The following STK25 variants were observed in gnomAD, a reference collection of about 807,000 sequenced individuals.
STK25 encodes serine/threonine-protein kinase 25.
STK25 carries 29 observed loss-of-function variants against 53.8 expected under a neutral mutation model. The observed-to-expected ratio is 0.54, with a 90% confidence interval of 0.40 to 0.74. The LOEUF (loss-of-function observed/expected upper bound fraction) is 0.74, where lower values mean the gene tolerates loss of function less well. Ranked by LOEUF, STK25 falls within the 30% of genes least tolerant of loss-of-function variation. The probability of loss-of-function intolerance (pLI) is 0.00; values close to 1 mark genes in which losing one functional copy is unlikely to be tolerated. For synonymous variants in STK25, 247 were observed against 238.3 expected (o/e 1.04, Z -0.33); for missense variants, 420 against 568.0 (o/e 0.74, Z 2.65).
intron 7 of STK25, 51 bp downstream of exon 7, chr2:241,498,938 C>T (rs758326735): frequency 1.2e-6 from 2 of 1,612,122 alleles, no homozygotes; most frequent in Admixed American, 1.7e-5. Flanking sequence ...CAAGCGAACG[C>T]CCTCCCTCCA....
intron 10 of STK25, chr2:241,497,282 C>T (rs761920122): frequency 2.0e-5 from 5 of 252,690 alleles, no homozygotes; most frequent in Non-Finnish European, 2.3e-5. Flanking sequence ...GACGTTGATG[C>T]AGGGTCACGT....
At chr2:241,502,701 C>T (rs966450534) in intron 2 of STK25, among the ~76,000 whole-genome samples, 4 of 151,512 alleles carry the variant, frequency 2.6e-5, no homozygotes, top group Non-Finnish European at 5.9e-5. Flanking sequence ...ATCGCACCAT[C>T]GCACTCCAGC....
intron 1 of STK25, 71 bp from the exon 2 acceptor site, chr2:241,508,206 C>T: frequency 7.4e-7 from 1 of 1,351,544 alleles, no homozygotes; most frequent in South Asian, 1.8e-5. Context: ...GCGGCGGGCT[C>T]CATGGGTGGG....
chr2:241,493,491 C>T lies in STK25; in HGVS notation c.*2171G>A, dbSNP rs753597469. ...CTGGTCAGCTGCCCATTTCGATGTCCGCTCAGCTCCCATTTCTACTCATGG... is the reference window on the plus strand; with the variant it reads ...CTGGTCAGCTGCCCATTTCGATGTCTGCTCAGCTCCCATTTCTACTCATGG... On this transcript the variant is annotated 3_prime_UTR_variant, in exon 12 of 12. Coordinates refer to ENST00000316586, the MANE Select transcript of STK25 (RefSeq NM_001271977.2). 22 of 1,579,144 alleles carry T rather than the reference C, an allele frequency of 1.4e-5. No homozygotes were observed. The highest frequency in any genetic ancestry group is 6.7e-5 in the Admixed American group (4 of 59,860).
rs2065515634 is a variant in STK25, at chr2:241,501,613, T to G, written c.126A>C (p.Thr42=). Residue 42 remains threonine (T), a synonymous_variant, in exon 3 of 12, where the codon ACA becomes ACC. Coordinates refer to ENST00000316586, the MANE Select transcript of STK25 (RefSeq NM_001271977.2). The surrounding 1 kb of genome is among the most constrained non-coding windows in gnomAD (Gnocchi z 5.3). The stretch of plus-strand genomic sequence containing the variant: ...TGATCTTGATGGCCACCACCTCCTT[T>G]GTGTGGTTATCGATGCCCTTGTAGA... The part of the protein sequence containing the change: ...GEVYKGIDNH[T]KEVVAIKIID... The G allele has an allele frequency of 6.2e-7, 1 of 1,614,056 alleles. No individual in the cohort carries two copies. The highest frequency in any genetic ancestry group is 1.3e-5 in the African/African-American group (1 of 75,022).
In STK25 at chr2:241,501,129, T is replaced by C; in HGVS notation, c.262-333A>G. The C allele has an allele frequency of 1.8e-6, 1 of 548,754 alleles. No homozygotes were observed. The highest frequency in any genetic ancestry group is 3.3e-6 in the Non-Finnish European group (1 of 303,940). The allele number at this position is 548,754 out of a possible 1,614,324, so 34.0% of individuals were successfully genotyped here. On this transcript the variant is annotated intron_variant, in intron 3 of 11. Coordinates refer to ENST00000316586, the MANE Select transcript of STK25 (RefSeq NM_001271977.2). The surrounding 1 kb of genome is among the most constrained non-coding windows in gnomAD (Gnocchi z 5.3). ...ATGTGACCCGACACACCCATCACCC[T>C]CCTGGGCAGGATGGCCACAGCGTTC... is the stretch of plus-strand genomic sequence containing the variant.
chr2:241,494,386 C>G lies in STK25; in HGVS notation c.*1276G>C, dbSNP rs1049132265. 2 of 296,936 alleles carry G rather than the reference C, an allele frequency of 6.7e-6. No homozygotes were observed. Among genetic ancestry groups the G allele is most frequent in the Non-Finnish European group, 1.2e-5 (2 of 160,226 alleles). The allele number at this position is 296,936 out of a possible 1,614,324, so 18.4% of individuals were successfully genotyped here. On this transcript the variant is annotated 3_prime_UTR_variant, in exon 12 of 12. Transcript: ENST00000316586. This position sits in a 1 kb window ranked among gnomAD's most constrained non-coding sequence, Gnocchi z 4.9. ...GCGCGGAGCCGCTCAAGCCACAGCTCCCAGGCCCCTGGCTCAAAGACGCAG... is the reference window on the plus strand; with the variant it reads ...GCGCGGAGCCGCTCAAGCCACAGCTGCCAGGCCCCTGGCTCAAAGACGCAG...
Position 241,508,509 on chromosome 2 carries a change from A to T in STK25, c.-167T>A. Reference sequence around the variant, plus strand: ...AGCGCCCGCGAAGGCTCCCACCCGCAGCCTCTGTTCGCCCGGGGACCCCGG... The same window carrying T: ...AGCGCCCGCGAAGGCTCCCACCCGCTGCCTCTGTTCGCCCGGGGACCCCGG... On this transcript the variant is annotated 5_prime_UTR_variant, in exon 1 of 12. Transcript: ENST00000316586. The T allele has an allele frequency of 5.9e-6, 6 of 1,014,926 alleles. No homozygotes were observed. Among genetic ancestry groups the T allele is most frequent in the Non-Finnish European group, 7.1e-6 (6 of 847,342 alleles). The allele number at this position is 1,014,926 out of a possible 1,614,324, so 62.9% of individuals were successfully genotyped here.
intron 1 of STK25, 152 bp downstream of exon 1, chr2:241,508,291 C>T: frequency 7.9e-7 from 1 of 1,263,682 alleles, no homozygotes; most frequent in Non-Finnish European, 1.0e-6. Context: ...CCCGGGGGCT[C>T]GCCGCCCCTC....
chr2:241,501,500 C>A lies in STK25; in HGVS notation c.239G>T (p.Arg80Leu). The A allele has an allele frequency of 6.2e-7, 1 of 1,614,042 alleles. No individual in the cohort carries two copies. The highest frequency in any genetic ancestry group is 8.5e-7 in the Non-Finnish European group (1 of 1,179,998). The change falls in exon 3 of 12, where the codon CGC (arginine) becomes CTC (leucine). Residue 80 changes from arginine to leucine, a missense_variant. Physicochemically the swap from Arg to Leu is moderately radical, Grantham distance 102. Transcript: ENST00000316586. The surrounding 1 kb of genome is among the most constrained non-coding windows in gnomAD (Gnocchi z 5.3). ...LSQCDSPYIT[R>L]YFGSYLKSTK... is the part of the protein sequence containing the mutation. ...CACCTTTAGGTAGGAGCCAAAGTAG[C>A]GGGTGATGTAGGGGCTGTCGCACTG...
intron 3 of STK25, 41 bp from the exon 4 acceptor site, chr2:241,500,837 G>A (rs1240914994): frequency 1.2e-6 from 2 of 1,605,374 alleles, no homozygotes; most frequent in African/African-American, 2.7e-5. Flanking sequence ...GGCAGCAAGA[G>A]GAAGGGCATG....
At chr2:241,499,490 G>T in intron 5 of STK25, 76 bp from the exon 6 acceptor site, 1 of 1,537,208 alleles carries the variant, frequency 6.5e-7, no homozygotes, top group Non-Finnish European at 8.8e-7. Flanking sequence ...GAAGGGCCAG[G>T]GTACCATCCA....
chr2:241,496,136 C>T lies in STK25; in HGVS notation c.1241+262G>A, dbSNP rs866531900. ...GGCCAGCTGAGGACAGCCATGTGGCCACTGAGGCCGGGACCCTGAGACACT... is the reference window on the plus strand; with the variant it reads ...GGCCAGCTGAGGACAGCCATGTGGCTACTGAGGCCGGGACCCTGAGACACT... On this transcript the variant is annotated intron_variant, in intron 11 of 11. Transcript: ENST00000316586. The surrounding 1 kb of genome is among the most constrained non-coding windows in gnomAD (Gnocchi z 5.8). 6.6e-6 allele frequency among the ~76,000 whole-genome samples: 1 copy of T among 152,176 alleles called. No individual in the cohort carries two copies. Among genetic ancestry groups the T allele is most frequent in the Admixed American group, 6.5e-5 (1 of 15,280 alleles).
chr2:241,502,547 G>A (rs1333497094), intron 2 of STK25, among the ~76,000 whole-genome samples: 2 of 152,078 alleles, frequency 1.3e-5, no homozygotes, highest in African/African-American at 4.8e-5. Flanking sequence ...CAACCAGCCT[G>A]ACTAACATGG....
chr2:241,499,358 C>G lies in STK25; in HGVS notation c.484G>C (p.Ala162Pro). 6.2e-7 allele frequency: 1 copy of G among 1,613,912 alleles called. No homozygotes were observed. The highest frequency in any genetic ancestry group is 8.5e-7 in the Non-Finnish European group (1 of 1,179,914). ...GDVKLADFGV[A>P]GQLTDTQIKR... ...ATCTGCGTGTCTGTGAGCTGCCCTGCTACCCCAAAGTCCGCCAGCTTCACG... is the reference window on the plus strand; with the variant it reads ...ATCTGCGTGTCTGTGAGCTGCCCTGGTACCCCAAAGTCCGCCAGCTTCACG... The change falls in exon 6 of 12, where the codon GCA (alanine) becomes CCA (proline). Residue 162 changes from alanine (A) to proline (P), a missense_variant. By Grantham distance (27) the Ala-to-Pro change is conservative. Coordinates refer to ENST00000316586, the MANE Select transcript of STK25 (RefSeq NM_001271977.2).
chr2:241,507,875 G>A (rs1181566321), intron 2 of STK25, 131 bp downstream of exon 2: 4 of 951,554 alleles, frequency 4.2e-6, no homozygotes, highest in Admixed American at 2.4e-5. Context: ...CGGCTCCGCT[G>A]GTCGCACGAC....
At chr2:241,502,058 G>A in intron 2 of STK25, 1 of 240,978 alleles carries the variant, frequency 4.1e-6, no homozygotes, top group East Asian at 1.0e-4. Flanking sequence ...CAGCTACTCA[G>A]GAGGCTGAGG....
intron 8 of STK25, 82 bp from the exon 9 acceptor site, chr2:241,498,431 G>T: frequency 7.3e-7 from 1 of 1,375,696 alleles, no homozygotes; most frequent in Non-Finnish European, 9.9e-7. Flanking sequence ...TCACGGCCAA[G>T]GGAAACCCGA....
At chr2:241,503,061 G>A (rs953560499) in intron 2 of STK25, among the ~76,000 whole-genome samples, 3 of 152,016 alleles carry the variant, frequency 2.0e-5, no homozygotes, top group Non-Finnish European at 4.4e-5. Context: ...CTCAAGCCTC[G>A]ACCCTTTTTT....
Sources: gnomAD v4.1 joint callset for allele counts (sites outside exome capture counted in the v4.1 genomes callset) on GRCh38, gnomAD v4.1.1 for gene constraint, Gnocchi (gnomAD v3.1) non-coding constraint, MANE v1.5 for transcripts, NCBI Gene and HGNC (gene_info 2026-07-23, HGNC 2026-07-21) for gene names.